PDZRN3: variants seen among roughly 807,000 people sequenced by gnomAD.
PDZRN3 encodes E3 ubiquitin-protein ligase PDZRN3.
In PDZRN3, 38 loss-of-function variants were observed where a neutral mutation model predicts 85.7. The ratio of observed to expected loss-of-function variants is 0.44; its 90% CI spans 0.34 to 0.58. The LOEUF (loss-of-function observed/expected upper bound fraction) is 0.58, where lower values mean the gene tolerates loss of function less well. PDZRN3 is among the 20% of genes least tolerant of loss of function. PDZRN3 has a pLI of 0.01. For synonymous variants in PDZRN3, 759 were observed against 638.0 expected, an observed-to-expected ratio of 1.19 and a Z score of -2.86; for missense variants, 1,629 against 1,506.4, an observed-to-expected ratio of 1.08 and a Z score of -1.35.
chr3:73,431,640 G>A (rs929142155), intron 3 of PDZRN3, among the ~76,000 whole-genome samples: 1 of 152,186 alleles, frequency 6.6e-6, no homozygotes, highest in Non-Finnish European at 1.5e-5. Context: ...ATTTTACTTA[G>A]TTGGCACAAG....
chr3:73,577,410 G>A (rs13060646), intron 3 of PDZRN3, among the ~76,000 whole-genome samples: 47,321 of 151,950 alleles, frequency 0.31, 7,364 homozygotes, highest in Middle Eastern at 0.38. Flanking sequence ...TGGTACCTGG[G>A]GAATCCATGC....
intron 3 of PDZRN3, among the ~76,000 whole-genome samples, chr3:73,450,734 T>A (rs1702841114): frequency 6.6e-6 from 1 of 152,226 alleles, no homozygotes; most frequent in South Asian, 2.1e-4. Flanking sequence ...AGGAAAACCA[T>A]CCAACAGCAC....
chr3:73,622,371 G>C (rs1460281363), intron 1 of PDZRN3, among the ~76,000 whole-genome samples: 1 of 152,224 alleles, frequency 6.6e-6, no homozygotes, highest in Non-Finnish European at 1.5e-5. Flanking sequence ...AGCAGACACA[G>C]GCCCTTGGGG....
intron 3 of PDZRN3, among the ~76,000 whole-genome samples, chr3:73,538,918 T>C (rs1482525991): frequency 2.6e-5 from 4 of 152,150 alleles, no homozygotes. Flanking sequence ...TTTTGTTCCT[T>C]AATCTAGTTG....
At chr3:73,422,421 G>T (rs4677281) in intron 3 of PDZRN3, among the ~76,000 whole-genome samples, 102,304 of 152,144 alleles carry the variant, frequency 0.67, 35,382 homozygotes, top group East Asian at 0.89. Flanking sequence ...TGAGCTTTTG[G>T]ATATAACTCA....
At chr3:73,386,226 C>CTTTTTTTTTTT (rs71126867) in intron 8 of PDZRN3, among the ~76,000 whole-genome samples, 5,242 of 90,338 alleles carry the variant, frequency 0.058, 1,017 homozygotes, top group Non-Finnish European at 0.067. Flanking sequence ...CAAGATATCA[C>CTTTTTTTTTTT]TTTTTTTTTT....
In PDZRN3 at chr3:73,383,550, G is replaced by C; in HGVS notation, c.3016C>G (p.Gln1006Glu). The C allele has an allele frequency of 6.2e-7, 1 of 1,614,146 alleles. No individual in the cohort carries two copies. ...MQSRLDCLKE[Q>E]QAADDRKEMN... ...TCCTTCCTGTCATCGGCTGCTTGCT[G>C]CTCCTTGAGACAATCCAACCTGCTC... The change falls in exon 10 of 10, where the codon CAG (glutamine) becomes GAG (glutamate). Residue 1006 changes from glutamine (Q) to glutamate (E), a missense_variant. Physicochemically the swap from Gln to Glu is conservative, Grantham distance 29. Coordinates refer to ENST00000263666, the MANE Select transcript of PDZRN3 (RefSeq NM_015009.3).
intron 3 of PDZRN3, among the ~76,000 whole-genome samples, chr3:73,462,833 T>G (rs1447400058): frequency 1.3e-5 from 2 of 152,124 alleles, no homozygotes; most frequent in East Asian, 1.9e-4. Context: ...TGCAACTACC[T>G]TTTGCCTTAA....
chr3:73,559,439 A>G (rs373534584), intron 3 of PDZRN3, among the ~76,000 whole-genome samples: 1 of 3,974 alleles, frequency 2.5e-4, no homozygotes, highest in Non-Finnish European at 5.7e-4. Context: ...TGACACAAGA[A>G]TCCAAACAAG....
At chr3:73,409,031 C>T (rs1432008433) in intron 3 of PDZRN3, among the ~76,000 whole-genome samples, 3 of 152,094 alleles carry the variant, frequency 2.0e-5, no homozygotes, top group East Asian at 3.8e-4. Flanking sequence ...GCTTTAAAAC[C>T]AAGTAAATGG....
intron 8 of PDZRN3, 67 bp from the exon 9 acceptor site, chr3:73,385,852 A>G (rs1160823503): frequency 1.1e-6 from 1 of 928,552 alleles, no homozygotes; most frequent in Non-Finnish European, 1.8e-6. Flanking sequence ...GTTTTTTTAA[A>G]AATGACATTA....
intron 3 of PDZRN3, among the ~76,000 whole-genome samples, chr3:73,418,356 T>C (rs991633767): frequency 2.6e-5 from 4 of 152,202 alleles, no homozygotes; most frequent in South Asian, 2.1e-4. Context: ...GCAAGATTCA[T>C]GTATAGGTGA....
intron 3 of PDZRN3, among the ~76,000 whole-genome samples, chr3:73,480,364 C>G (rs1335780229): frequency 6.6e-6 from 1 of 152,186 alleles, no homozygotes; most frequent in East Asian, 1.9e-4. Context: ...TGTTGAAATT[C>G]AAGCAGAATT....
At chr3:73,576,819 C>T (rs1277866814) in intron 3 of PDZRN3, among the ~76,000 whole-genome samples, 2 of 151,734 alleles carry the variant, frequency 1.3e-5, no homozygotes, top group African/African-American at 4.8e-5. Context: ...GAGTTATAGA[C>T]AAAGAAGTCA....
At chr3:73,441,510 G>A (rs1702635800) in intron 3 of PDZRN3, among the ~76,000 whole-genome samples, 1 of 151,234 alleles carries the variant, frequency 6.6e-6, no homozygotes, top group African/African-American at 2.4e-5. Flanking sequence ...ATAATTTGAC[G>A]ACAAAACAAT....
chr3:73,499,098 C>T (rs558025781), intron 3 of PDZRN3, among the ~76,000 whole-genome samples: 22 of 152,266 alleles, frequency 1.4e-4, no homozygotes, highest in East Asian at 1.2e-3. Context: ...AACAACCACA[C>T]GGCTGGTTCT....
At chr3:73,606,978 T>C (rs1344422584) in intron 2 of PDZRN3, among the ~76,000 whole-genome samples, 1 of 152,170 alleles carries the variant, frequency 6.6e-6, no homozygotes, top group Non-Finnish European at 1.5e-5. Flanking sequence ...GGTCAAGCCC[T>C]TGTTTTCTTC....
intron 4 of PDZRN3, 149 bp from the exon 5 acceptor site, chr3:73,401,158 C>CGGTCAGGA: frequency 1.6e-6 from 1 of 614,814 alleles, no homozygotes; most frequent in Non-Finnish European, 3.0e-6. Flanking sequence ...GCTCTCAGCA[C>CGGTCAGGA]GGTCAGGACC....
chr3:73,509,829 G>A lies in PDZRN3; in HGVS notation c.918+92525C>T, dbSNP rs116114068. ...TCCTGCCTTGAATCCTGGCACGGGC[G>A]GGCGGCTCTTCTCTGTGACTTCCCT... On this transcript the variant is annotated intron_variant, in intron 3 of 9. Coordinates refer to ENST00000263666, the MANE Select transcript of PDZRN3 (RefSeq NM_015009.3). Among the ~76,000 whole-genome samples, 1,499 of 152,298 alleles carry A rather than the reference G, an allele frequency of 9.8e-3. 23 individuals carry two copies. The highest frequency in any genetic ancestry group is 0.033 in the African/African-American group (1,391 of 41,568).
Sources: gnomAD v4.1 joint callset for allele counts (sites outside exome capture counted in the v4.1 genomes callset) on GRCh38, gnomAD v4.1.1 for gene constraint, MANE v1.5 for transcripts, NCBI Gene and HGNC (gene_info 2026-07-23, HGNC 2026-07-21) for gene names.